Variants in NAV1 observed in about 807,000 individuals in gnomAD.
NAV1 encodes the protein pore membrane and/or filament interacting like protein 3.
Under a neutral mutation model 175.2 loss-of-function variants are expected in NAV1, and 18 were observed. The observed-to-expected ratio is 0.10, with a 90% CI of 0.07 to 0.15. The LOEUF is 0.15. Among genes scored for constraint, NAV1 ranks in the 10% least tolerant of loss-of-function variants. The pLI, the probability that NAV1 is intolerant of heterozygous loss-of-function variation, is 1.00. For synonymous variants in NAV1, 897 were observed against 978.7 expected (o/e 0.92, Z 1.56); for missense variants, 1,731 against 2,436.6 (o/e 0.71, Z 6.10).
chr1:201,620,453 C>CTTTTTTTTTTTTTTT (rs71861939), upstream of NAV1, among the ~76,000 whole-genome samples: 1 of 94,552 alleles, frequency 1.1e-5, no homozygotes, highest in African/African-American at 5.1e-5. Flanking sequence ...GACATATACT[C>CTTTTTTTTTTTTTTT]TTTTTTTTTT....
At chr1:201,599,867 C>T (rs1445919257) in intron 2 of NAV1, among the ~76,000 whole-genome samples, 1 of 152,206 alleles carries the variant, frequency 6.6e-6, no homozygotes, top group Non-Finnish European at 1.5e-5. Context: ...AAAAACAACA[C>T]TTTATTTGGA....
intron 29 of NAV1, among the ~76,000 whole-genome samples, chr1:201,819,233 G>C (rs1287084918): frequency 6.6e-6 from 1 of 152,062 alleles, no homozygotes; most frequent in Admixed American, 6.5e-5. Flanking sequence ...TCCTCTCCTG[G>C]AGTGCAAGCA....
intron 1 of NAV1, among the ~76,000 whole-genome samples, chr1:201,712,601 G>C (rs1455487387): frequency 6.6e-6 from 1 of 152,172 alleles, no homozygotes; most frequent in Non-Finnish European, 1.5e-5. Flanking sequence ...TGTACCCCCT[G>C]CCAGGATCTG....
intron 1 of NAV1, among the ~76,000 whole-genome samples, chr1:201,706,123 A>G (rs992494690): frequency 6.6e-6 from 1 of 152,234 alleles, no homozygotes; most frequent in Non-Finnish European, 1.5e-5. Flanking sequence ...TGTAAGCACC[A>G]GACGATCATC....
chr1:201,782,587 G>T lies in NAV1; in HGVS notation c.2075G>T (p.Arg692Leu). Residue 692 changes from arginine to leucine, a missense_variant, in exon 6 of 30, where the codon CGC becomes CTC. Arg to Leu is a moderately radical substitution (Grantham distance 102, BLOSUM62 -2). This residue lies in a region of NAV1 where 634 missense variants were observed against 766.8 expected (regional missense o/e 0.83). Coordinates refer to ENST00000367296, the Ensembl canonical transcript of NAV1. This position sits in a 1 kb window ranked among gnomAD's most constrained non-coding sequence, Gnocchi z 5.4. ...GTGACCGGCGGGCGGGGTGGACCTC[G>T]CCCTGTGAGCAGCAGCATTGACCCC... 1 of 1,612,946 alleles carries T rather than the reference G, an allele frequency of 6.2e-7. No homozygotes were observed. The highest frequency in any genetic ancestry group is 8.5e-7 in the Non-Finnish European group (1 of 1,179,172).
chr1:201,768,330 A>G (rs916510745), intron 3 of NAV1, among the ~76,000 whole-genome samples: 4 of 139,588 alleles, frequency 2.9e-5, no homozygotes, highest in Non-Finnish European at 6.2e-5. Context: ...ACTCCGTCTC[A>G]GAGAAAAAAA....
At chr1:201,553,804 G>T (rs1383246787) in intron 1 of NAV1, among the ~76,000 whole-genome samples, 4 of 152,208 alleles carry the variant, frequency 2.6e-5, no homozygotes, top group Non-Finnish European at 5.9e-5. Context: ...TCAGCATAAT[G>T]TTTTTGAGAT....
intron 3 of NAV1, chr1:201,733,559 C>G (rs2102529600): frequency 6.6e-6 from 1 of 151,964 alleles, no homozygotes; most frequent in African/African-American, 2.4e-5. Context: ...AACAAGCCAA[C>G]AGATAAACAT....
intron 2 of NAV1, among the ~76,000 whole-genome samples, chr1:201,606,467 C>CG (rs1558016146): frequency 2.6e-5 from 4 of 152,198 alleles, no homozygotes; most frequent in African/African-American, 9.7e-5. Flanking sequence ...CCTAAGGCCA[C>CG]GGGTCATCTT....
chr1:201,788,993 A>G lies in NAV1; in HGVS notation c.3166+355A>G, dbSNP rs1380692010. ...CTCCCCACAGTCTCTCAAATATATG[A>G]AAAGAAAACAGGACATAATAGTAGC... On this transcript the variant is annotated intron_variant, in intron 10 of 29. Coordinates refer to ENST00000367296, the Ensembl canonical transcript of NAV1. The surrounding 1 kb of genome is among the most constrained non-coding windows in gnomAD (Gnocchi z 5.7). Among the ~76,000 whole-genome samples, 1 of 152,198 alleles carries G rather than the reference A, an allele frequency of 6.6e-6. No individual in the cohort carries two copies. Among genetic ancestry groups the G allele is most frequent in the African/African-American group, 2.4e-5 (1 of 41,440 alleles).
Position 201,592,883 on chromosome 1 carries a change from A to T in NAV1, c.-33+4234A>T, listed in dbSNP as rs117622765. Among the ~76,000 whole-genome samples, 5 of 152,166 alleles carry T rather than the reference A, an allele frequency of 3.3e-5. No homozygotes were observed. The East Asian group carries it at 5.8e-4, about 18-fold the overall frequency. On this transcript the variant is annotated intron_variant, in intron 2 of 33. Coordinates refer to the NAV1 transcript ENST00000685211. ...AGGAGCGAGTCCAGGGAGGATTGGG[A>T]TGCGGTTCGTGGCCCTCTCCTATCA...
intron 2 of NAV1, among the ~76,000 whole-genome samples, chr1:201,634,215 T>A (rs1006426042): frequency 6.6e-6 from 1 of 152,218 alleles, no homozygotes; most frequent in Non-Finnish European, 1.5e-5. Flanking sequence ...GAGAATTAAA[T>A]GCATGGATAT....
intron 2 of NAV1, among the ~76,000 whole-genome samples, chr1:201,714,993 C>T (rs865914934): frequency 6.6e-6 from 1 of 152,100 alleles, no homozygotes; most frequent in South Asian, 2.1e-4. Context: ...TTAGGGGGAG[C>T]GTCTAGGGCC....
intron 29 of NAV1, 145 bp from the exon 34 acceptor site, chr1:201,819,692 C>G: frequency 1.5e-6 from 1 of 659,134 alleles, no homozygotes; most frequent in Non-Finnish European, 2.6e-6. Flanking sequence ...TCTTTGTTTT[C>G]AAAGCTGATT....
intron 2 of NAV1, among the ~76,000 whole-genome samples, chr1:201,592,860 G>A (rs1190405894): frequency 6.6e-6 from 1 of 152,074 alleles, no homozygotes; most frequent in Non-Finnish European, 1.5e-5. Flanking sequence ...GTCAGACCAG[G>A]AGCGAGTCCA....
In NAV1 at chr1:201,717,518, C is replaced by T. The variant is rs576930106; in HGVS notation, c.861-872C>T. ...CAGCCCGCCTGGCCCTATCTCCTTC[C>T]CTAGTCCCCCAGGTTCCCCTAGTCT... is the stretch of plus-strand genomic sequence containing the variant. On this transcript the variant is annotated intron_variant, in intron 2 of 29. Coordinates refer to ENST00000367296, the Ensembl canonical transcript of NAV1. Among the ~76,000 whole-genome samples the T allele has an allele frequency of 7.9e-5, 12 of 152,322 alleles. 1 individual carries two copies. The South Asian group carries it at 2.5e-3, about 32-fold the overall frequency.
At chr1:201,552,787 G>A (rs927630309) in intron 1 of NAV1, among the ~76,000 whole-genome samples, 6 of 152,204 alleles carry the variant, frequency 3.9e-5, no homozygotes, top group Non-Finnish European at 5.9e-5. Flanking sequence ...GGGATGGAGC[G>A]AAGTCAAGGA....
chr1:201,785,064 G>A lies in NAV1; in HGVS notation c.2805-246G>A, dbSNP rs569970894. 1.3e-4 allele frequency among the ~76,000 whole-genome samples: 20 copies of A among 152,286 alleles called. No individual in the cohort carries two copies. In the South Asian group the frequency reaches 2.1e-3, roughly 16 times the overall value. ...ATTACAGGCGTGAGCTACGGCGCCC[G>A]GCCTAACCATGACTTAATTTCTAAT... On this transcript the variant is annotated intron_variant, in intron 7 of 29. Transcript: ENST00000367296.
intron 3 of NAV1, among the ~76,000 whole-genome samples, chr1:201,777,643 G>A (rs937270935): frequency 2.3e-3 from 346 of 149,380 alleles, no homozygotes; most frequent in Admixed American, 7.0e-3. Context: ...TTTTGTTGTT[G>A]TTGTTGTTGT....
Sources: gnomAD v4.1 joint callset for allele counts (sites outside exome capture counted in the v4.1 genomes callset) on GRCh38, gnomAD v4.1.1 for gene constraint, gnomAD v4.1.1 regional missense constraint, Gnocchi (gnomAD v3.1) non-coding constraint, MANE v1.5 for transcripts, NCBI Gene and HGNC (gene_info 2026-07-23, HGNC 2026-07-21) for gene names.